Variants in PPM1K observed in about 807,000 individuals in gnomAD.
PPM1K encodes protein phosphatase, Mg2+/Mn2+ dependent 1K.
Under a neutral mutation model 32.6 loss-of-function variants are expected in PPM1K, and 19 were observed. The observed-to-expected ratio is 0.58, with a 90% confidence interval of 0.41 to 0.86. The LOEUF (loss-of-function observed/expected upper bound fraction) is 0.86. PPM1K is among the 40% of genes least tolerant of loss of function. The probability of loss-of-function intolerance (pLI) is 0.00; values close to 1 mark genes in which losing one functional copy is unlikely to be tolerated. For missense variants in PPM1K, 362 were observed against 461.2 expected (o/e 0.78, Z 1.97); for synonymous variants, 159 against 165.3 (o/e 0.96, Z 0.29).
At chr4:88,275,167 A>C in intron 3 of PPM1K, 2 of 552,472 alleles carry the variant, frequency 3.6e-6, no homozygotes, top group Non-Finnish European at 4.6e-6. Flanking sequence ...ATGCATTTTA[A>C]TTTCTTTATT....
chr4:88,275,577 G>T (rs1731731965), intron 3 of PPM1K: 1 of 985,218 alleles, frequency 1.0e-6, no homozygotes, highest in Non-Finnish European at 1.2e-6. Context: ...TTGGTTGGTG[G>T]TCACATGCCT....
At chr4:88,272,895 G>A (rs1477195122) in intron 3 of PPM1K, among the ~76,000 whole-genome samples, 2 of 152,082 alleles carry the variant, frequency 1.3e-5, no homozygotes, top group East Asian at 3.8e-4. Flanking sequence ...TTACAGATCA[G>A]TCATCCAGGA....
chr4:88,267,963 C>T (rs756510156), intron 5 of PPM1K, among the ~76,000 whole-genome samples: 3 of 152,174 alleles, frequency 2.0e-5, no homozygotes, highest in Non-Finnish European at 4.4e-5. Flanking sequence ...AGTGTCTCAA[C>T]TAAGAACCTA....
At position 88,262,107 on chromosome 4, in the gene PPM1K, T is replaced by G. The variant is rs1731142146; in HGVS notation, c.*488A>C. On this transcript the variant is annotated 3_prime_UTR_variant, in exon 7 of 7. Coordinates refer to ENST00000608933, the MANE Select transcript of PPM1K (RefSeq NM_152542.5). ...AACAGAGAACTGTTTTCATACTTAT[T>G]CCTTGGTACAGTTATTAAAAATAAA... The G allele has an allele frequency of 2.6e-5, 4 of 152,594 alleles. No homozygotes were observed. Among genetic ancestry groups the G allele is most frequent in the Admixed American group, 2.6e-4 (4 of 15,282 alleles). The allele number at this position is 152,594 out of a possible 1,614,324, so 9.5% of individuals were successfully genotyped here.
intron 2 of PPM1K, 102 bp from the exon 3 acceptor site, chr4:88,277,345 G>C (rs1489296545): frequency 1.3e-6 from 1 of 747,794 alleles, no homozygotes; most frequent in Non-Finnish European, 2.3e-6. Context: ...ACGGGCCTCA[G>C]GATTTTCCTG....
intron 3 of PPM1K, chr4:88,275,338 T>C (rs1731721822): frequency 1.0e-6 from 1 of 968,350 alleles, no homozygotes; most frequent in Non-Finnish European, 1.2e-6. Flanking sequence ...TTAATTTCTT[T>C]ATACAACTGT....
Position 88,262,655 on chromosome 4 carries a change from C to T in PPM1K, c.1059G>A (p.Lys353=). Reference sequence around the variant, plus strand: ...TGAATGAGAAGTTGATTTCAGAGTTCTTATATTTTCCCCAGGCACCAAAAG... The same window carrying T: ...TGAATGAGAAGTTGATTTCAGAGTTTTTATATTTTCCCCAGGCACCAAAAG... ...VVPFGAWGKY[K]NSEINFSFSR... The change falls in exon 7 of 7, where the codon AAG becomes AAA. Residue 353 remains lysine (K), a synonymous_variant. Coordinates refer to ENST00000608933, the MANE Select transcript of PPM1K (RefSeq NM_152542.5). The T allele has an allele frequency of 6.2e-7, 1 of 1,614,062 alleles. No individual in the cohort carries two copies. The highest frequency in any genetic ancestry group is 8.5e-7 in the Non-Finnish European group (1 of 1,179,988).
At chr4:88,268,594 C>G in intron 4 of PPM1K, 147 bp downstream of exon 4, 1 of 918,340 alleles carries the variant, frequency 1.1e-6, no homozygotes, top group South Asian at 1.6e-5. Context: ...GCACTCCAGC[C>G]TGGGCGACAG....
chr4:88,280,888 C>A (rs1386094798), intron 1 of PPM1K, among the ~76,000 whole-genome samples: 1 of 152,194 alleles, frequency 6.6e-6, no homozygotes, highest in Admixed American at 6.5e-5. Flanking sequence ...AGAAATAACA[C>A]ATTCCATTGC....
Position 88,268,722 on chromosome 4 carries a change from G to T in PPM1K, c.707+19C>A. ...CATCATCCACATAGAATGATATGAT[G>T]GATCAGTGGTGGTAGTACCTTTCTT... On this transcript the variant is annotated intron_variant, in intron 4 of 6. Coordinates refer to ENST00000608933, the MANE Select transcript of PPM1K (RefSeq NM_152542.5). The T allele has an allele frequency of 6.2e-7, 1 of 1,605,450 alleles. No homozygotes were observed. Among genetic ancestry groups the T allele is most frequent in the Non-Finnish European group, 8.5e-7 (1 of 1,173,444 alleles).
At chr4:88,265,189 A>G in intron 5 of PPM1K, 54 bp from the exon 6 acceptor site, 1 of 1,599,848 alleles carries the variant, frequency 6.3e-7, no homozygotes. Flanking sequence ...CCTTAGCACA[A>G]TCTCGCTAAT....
At chr4:88,280,853 A>C (rs1731978113) in intron 1 of PPM1K, among the ~76,000 whole-genome samples, 2 of 152,192 alleles carry the variant, frequency 1.3e-5, no homozygotes, top group Non-Finnish European at 2.9e-5. Context: ...TGTCTATTTA[A>C]AAAAAGAGAG....
chr4:88,275,142 G>T (rs952142992), intron 3 of PPM1K: 1 of 540,414 alleles, frequency 1.9e-6, no homozygotes, highest in Non-Finnish European at 2.4e-6. Context: ...TATGATAGAG[G>T]AATTAAATTA....
rs1237365528 is a variant in PPM1K at position 88,258,441 on chromosome 4, A to T, written c.*4154T>A. On this transcript the variant is annotated 3_prime_UTR_variant, in exon 7 of 7. Coordinates refer to ENST00000608933, the MANE Select transcript of PPM1K (RefSeq NM_152542.5). ...TCAAGAGATCGAGACCATCCTGGCC[A>T]ATATGGTGAAACCCTGTCTCTACTA... The T allele has an allele frequency of 1.3e-5, 2 of 152,098 alleles. No individual in the cohort carries two copies. The highest frequency in any genetic ancestry group is 4.8e-5 in the African/African-American group (2 of 41,400). 9.4% of individuals were successfully genotyped at this position (152,098 alleles called of 1,614,324 possible).
At chr4:88,265,623 A>G (rs1006378021) in intron 5 of PPM1K, among the ~76,000 whole-genome samples, 3 of 152,254 alleles carry the variant, frequency 2.0e-5, no homozygotes, top group Admixed American at 6.5e-5. Context: ...ATAGGCAAAC[A>G]GTGAAAATGT....
rs1164046904 is a variant in PPM1K, at chr4:88,261,715, A to C, written c.*880T>G. 7.7e-6 allele frequency: 1 copy of C among 130,098 alleles called. No individual in the cohort carries two copies. Among genetic ancestry groups the C allele is most frequent in the Admixed American group, 8.2e-5 (1 of 12,224 alleles). 8.1% of individuals were successfully genotyped at this position (130,098 alleles called of 1,614,324 possible). ...CTTTCTTTTTTTTTTTTTTTTTGAG[A>C]TGGAGTTTTTCGCTCTTGCTGCCCA... On this transcript the variant is annotated 3_prime_UTR_variant, in exon 7 of 7. Coordinates refer to ENST00000608933, the MANE Select transcript of PPM1K (RefSeq NM_152542.5).
At position 88,278,062 on chromosome 4, in the gene PPM1K, C is replaced by G; in HGVS notation, c.440+82G>C. On this transcript the variant is annotated intron_variant, in intron 2 of 6. Transcript: ENST00000608933. The surrounding 1 kb of genome is among the most constrained non-coding windows in gnomAD (Gnocchi z 4.2). The stretch of plus-strand genomic sequence containing the variant: ...AACCACTCAAGTAACTATGTTTACG[C>G]TGGAAGCCTCAGCCAAAGGGTGAAA... 8.4e-7 allele frequency: 1 copy of G among 1,187,124 alleles called. No homozygotes were observed. The allele number at this position is 1,187,124 out of a possible 1,614,324, so 73.5% of individuals were successfully genotyped here.
chr4:88,278,566 T>G lies in PPM1K; in HGVS notation c.18A>C (p.Leu6Phe). The part of the protein sequence containing the change: MSTAA[L>F]ITLVRSGGNQ... ...TCCCACCACTTCTGACCAAAGTAAT[T>G]AAGGCAGCTGTTGACATAACTCAGC... The change falls in exon 2 of 7, where the codon TTA becomes TTC. Residue 6 changes from leucine to phenylalanine, a missense_variant. Coordinates refer to ENST00000608933, the MANE Select transcript of PPM1K (RefSeq NM_152542.5). The surrounding 1 kb of genome is among the most constrained non-coding windows in gnomAD (Gnocchi z 4.2). 1 of 1,609,586 alleles carries G rather than the reference T, an allele frequency of 6.2e-7. No homozygotes were observed. Among genetic ancestry groups the G allele is most frequent in the South Asian group, 1.1e-5 (1 of 90,378 alleles).
intron 1 of PPM1K, among the ~76,000 whole-genome samples, chr4:88,281,013 T>C (rs1731985702): frequency 6.6e-6 from 1 of 152,326 alleles, no homozygotes; most frequent in Admixed American, 6.5e-5. Context: ...ATTATGTTAA[T>C]TATAGGTGAT....
Sources: gnomAD v4.1 joint callset for allele counts (sites outside exome capture counted in the v4.1 genomes callset) on GRCh38, gnomAD v4.1.1 for gene constraint, Gnocchi (gnomAD v3.1) non-coding constraint, MANE v1.5 for transcripts, NCBI Gene and HGNC (gene_info 2026-07-23, HGNC 2026-07-21) for gene names.